The following CBLN2 variants were observed in gnomAD, a reference collection of about 807,000 sequenced individuals.
CBLN2 encodes cerebellin 2 precursor, also known as cerebellin-2.
A neutral mutation model predicts 15.0 loss-of-function variants in CBLN2; 7 were observed. The observed-to-expected ratio is 0.47, with a 90% CI of 0.27 to 0.88. The LOEUF is 0.88. Ranked by LOEUF, CBLN2 falls within the 40% of genes least tolerant of loss-of-function variation. CBLN2 has a pLI of 0.14. For missense variants in CBLN2, 242 were observed against 304.5 expected (o/e 0.79, Z 1.53); for synonymous variants, 149 against 135.2 (o/e 1.10, Z -0.71).
chr18:72,585,326 A>C (rs2069435273), intron 1 of CBLN2, among the ~76,000 whole-genome samples: 1 of 152,202 alleles, frequency 6.6e-6, no homozygotes, highest in Non-Finnish European at 1.5e-5. Context: ...TCCAGGAAGA[A>C]TGAGGTATGC....
chr18:72,549,301 C>G (rs1036677728), upstream of CBLN2, among the ~76,000 whole-genome samples: 2 of 152,338 alleles, frequency 1.3e-5, no homozygotes, highest in African/African-American at 2.4e-5. Flanking sequence ...CGTGAGCCAA[C>G]GTGGCCAGCA....
At chr18:72,618,872 G>A (rs1422228031) in intron 1 of CBLN2, 5 of 728,844 alleles carry the variant, frequency 6.9e-6, no homozygotes, top group Admixed American at 1.7e-5. Flanking sequence ...GGAAGCTTTA[G>A]CGGTGGTCAT....
chr18:72,571,480 A>G (rs558761096), intron 1 of CBLN2, among the ~76,000 whole-genome samples: 1 of 152,320 alleles, frequency 6.6e-6, no homozygotes, highest in East Asian at 1.9e-4. Context: ...AAAGTGGCGA[A>G]AGACGTGGGG....
intron 1 of CBLN2, among the ~76,000 whole-genome samples, chr18:72,588,087 T>C (rs1160063706): frequency 6.6e-6 from 1 of 152,254 alleles, no homozygotes; most frequent in Non-Finnish European, 1.5e-5. Context: ...ACCAAATGTA[T>C]GGCTTAGTCA....
intron 1 of CBLN2, among the ~76,000 whole-genome samples, chr18:72,574,016 T>A (rs143288930): frequency 6.6e-6 from 1 of 152,220 alleles, no homozygotes; most frequent in Non-Finnish European, 1.5e-5. Flanking sequence ...TGTTTTAATA[T>A]GTAATTCCCC....
intron 1 of CBLN2, among the ~76,000 whole-genome samples, chr18:72,571,021 A>T (rs2069329319): frequency 6.6e-6 from 1 of 152,106 alleles, no homozygotes. Context: ...TTGGATGTTT[A>T]TCATATTATA....
chr18:72,590,772 G>T (rs965925294), intron 1 of CBLN2, among the ~76,000 whole-genome samples: 1 of 152,176 alleles, frequency 6.6e-6, no homozygotes, highest in African/African-American at 2.4e-5. Flanking sequence ...GAATAGTGAT[G>T]TCTAAGTCCC....
At chr18:72,555,205 T>C (rs1434493737) in intron 1 of CBLN2, among the ~76,000 whole-genome samples, 1 of 151,682 alleles carries the variant, frequency 6.6e-6, no homozygotes, top group African/African-American at 2.4e-5. Flanking sequence ...GAAGGCACAA[T>C]GCCGTGTTTA....
Position 72,538,076 on chromosome 18 carries a change from T to C in CBLN2, c.*100A>G. 4.2e-6 allele frequency: 5 copies of C among 1,180,466 alleles called. No individual in the cohort carries two copies. Among genetic ancestry groups the C allele is most frequent in the African/African-American group, 1.5e-5 (1 of 65,802 alleles). 73.1% of individuals were successfully genotyped at this position (1,180,466 alleles called of 1,614,324 possible). On this transcript the variant is annotated 3_prime_UTR_variant, in exon 5 of 5. Transcript: ENST00000269503. ...TTCTACTGCAACAGTCTGACGGAGG[T>C]TGGAAACAAGGTGTCCAATTCCAGT...
At chr18:72,573,046 A>AT (rs1277813424) in intron 1 of CBLN2, among the ~76,000 whole-genome samples, 1 of 152,062 alleles carries the variant, frequency 6.6e-6, no homozygotes, top group Non-Finnish European at 1.5e-5. Context: ...TGGCTTTGTG[A>AT]TTTTCTATAA....
At chr18:72,544,554 C>A (rs1362648966), upstream of CBLN2, 3 of 152,206 alleles carry the variant, frequency 2.0e-5, no homozygotes, top group African/African-American at 7.2e-5. Flanking sequence ...GAGTCCTGGC[C>A]GCAAGGCTGA....
intron 1 of CBLN2, among the ~76,000 whole-genome samples, chr18:72,575,335 G>A (rs889422288): frequency 1.3e-5 from 2 of 152,044 alleles, no homozygotes; most frequent in African/African-American, 4.8e-5. Flanking sequence ...GGTGTTGGAA[G>A]GATCATCCAT....
chr18:72,591,925 A>C (rs1428266089), intron 1 of CBLN2, among the ~76,000 whole-genome samples: 1 of 152,126 alleles, frequency 6.6e-6, no homozygotes, highest in Non-Finnish European at 1.5e-5. Flanking sequence ...TTCCTTCCAA[A>C]TACTGTCTAT....
upstream of CBLN2, among the ~76,000 whole-genome samples, chr18:72,545,090 C>T (rs2069148910): frequency 6.6e-6 from 1 of 152,152 alleles, no homozygotes; most frequent in African/African-American, 2.4e-5. Flanking sequence ...AAGATTTCAG[C>T]AGTGTCTGAT....
chr18:72,637,314 A>C (rs1016169214), intron 1 of CBLN2, among the ~76,000 whole-genome samples: 1 of 151,804 alleles, frequency 6.6e-6, no homozygotes, highest in Admixed American at 6.6e-5. Context: ...ACGTATTTAC[A>C]TGGTATGAAC....
At chr18:72,571,425 A>T (rs1325295145) in intron 1 of CBLN2, among the ~76,000 whole-genome samples, 3 of 152,224 alleles carry the variant, frequency 2.0e-5, no homozygotes, top group African/African-American at 7.2e-5. Flanking sequence ...AAAGAAAAAA[A>T]AGCGAGAGCA....
At chr18:72,589,669 G>C (rs1323527971) in intron 1 of CBLN2, among the ~76,000 whole-genome samples, 1 of 152,162 alleles carries the variant, frequency 6.6e-6, no homozygotes, top group Non-Finnish European at 1.5e-5. Context: ...TAAGATACGA[G>C]TTGACACATG....
intron 1 of CBLN2, among the ~76,000 whole-genome samples, chr18:72,630,084 A>G (rs1373399343): frequency 1.3e-5 from 2 of 152,202 alleles, no homozygotes; most frequent in Non-Finnish European, 2.9e-5. Flanking sequence ...CTAGCTGAAA[A>G]TGTATGAATT....
rs760935649 is a variant in CBLN2 at position 72,542,103 on chromosome 18, C to A, written c.58G>T (p.Gly20Trp). Reference sequence around the variant, plus strand: ...CAGCCGCCCGGCTCGCGCAGCGCCCCCCGGCGCCCGGGCATCATCAGCCGC... The same window carrying A: ...CAGCCGCCCGGCTCGCGCAGCGCCCACCGGCGCCCGGGCATCATCAGCCGC... ...GLRLMMPGRRGALREPGGCGS... is the reference protein window; with the variant it reads ...GLRLMMPGRRWALREPGGCGS... The change falls in exon 3 of 5, where the codon GGG becomes TGG. Residue 20 changes from glycine to tryptophan, a missense_variant. Coordinates refer to ENST00000269503, the MANE Select transcript of CBLN2 (RefSeq NM_182511.4). 10 of 1,461,302 alleles carry A rather than the reference C, an allele frequency of 6.8e-6. No individual in the cohort carries two copies. In the South Asian group the frequency reaches 1.1e-4, roughly 16 times the overall value. The allele number at this position is 1,461,302 out of a possible 1,614,324, so 90.5% of individuals were successfully genotyped here.
Sources: allele counts gnomAD v4.1 joint callset (sites outside exome capture counted in the v4.1 genomes callset), GRCh38; gene constraint gnomAD v4.1.1; transcripts MANE v1.5; gene names NCBI Gene and HGNC (gene_info 2026-07-23, HGNC 2026-07-21).